RPAP3: variants seen among roughly 807,000 people sequenced by gnomAD.
RPAP3 encodes the protein RNA polymerase II associated protein 3.
A neutral mutation model predicts 88.8 loss-of-function variants in RPAP3; 58 were observed. The ratio of observed to expected loss-of-function variants is 0.65; its 90% CI spans 0.53 to 0.81. RPAP3 has a LOEUF of 0.81. Ranked by LOEUF, RPAP3 falls within the 40% of genes least tolerant of loss-of-function variation. RPAP3 has a pLI of 0.00. For synonymous variants in RPAP3, 255 were observed against 259.9 expected (o/e 0.98, Z 0.18); for missense variants, 751 against 764.3 (o/e 0.98, Z 0.20).
intron 12 of RPAP3, among the ~76,000 whole-genome samples, 190 bp from the exon 13 acceptor site, chr12:47,670,535 T>A (rs1049354465): frequency 6.6e-6 from 1 of 152,018 alleles, no homozygotes; most frequent in Non-Finnish European, 1.5e-5. Flanking sequence ...TTATCCCAGG[T>A]AGGTCGAAAC....
chr12:47,673,564 C>T (rs996910402), intron 12 of RPAP3, among the ~76,000 whole-genome samples: 1 of 151,728 alleles, frequency 6.6e-6, no homozygotes, highest in Non-Finnish European at 1.5e-5. Context: ...ACAAACTTTC[C>T]TTTTCTGCCT....
chr12:47,668,813 C>T, intron 14 of RPAP3, 103 bp downstream of exon 14: 1 of 810,186 alleles, frequency 1.2e-6, no homozygotes, highest in Non-Finnish European at 2.0e-6. Context: ...ATAATTTCTA[C>T]AATAATATCC....
chr12:47,685,259 G>T (rs1224762623), intron 9 of RPAP3, among the ~76,000 whole-genome samples: 3 of 151,930 alleles, frequency 2.0e-5, no homozygotes, highest in African/African-American at 7.2e-5. Context: ...CATGCCTGTA[G>T]ACCCAGCAAC....
rs925882161 is a variant in RPAP3, at chr12:47,686,837, T to C, written c.935A>G (p.Asp312Gly). The C allele has an allele frequency of 5.0e-6, 8 of 1,604,892 alleles. No individual in the cohort carries two copies. In the African/African-American group the frequency reaches 8.0e-5, roughly 16 times the overall value. ...IECYTRGIAA[D>G]GANALLPANR... Reference sequence around the variant, plus strand: ...AGCTGGAAGAAGGGCATTAGCACCATCTGCTGCTATCCCTCGAGTATAGCA... The same window carrying C: ...AGCTGGAAGAAGGGCATTAGCACCACCTGCTGCTATCCCTCGAGTATAGCA... Residue 312 changes from aspartate (D) to glycine (G), a missense_variant, in exon 9 of 17, where the codon GAT (aspartate) becomes GGT (glycine). Physicochemically the swap from Asp to Gly is moderately conservative, Grantham distance 94. Transcript: ENST00000005386.
chr12:47,697,732 G>A lies in RPAP3; in HGVS notation c.295-13C>T. On this transcript the variant is annotated splice_polypyrimidine_tract_variant and intron_variant, in intron 3 of 16. Transcript: ENST00000005386. The stretch of plus-strand genomic sequence containing the variant: ...CAAGGATACGGTCCTAAAATCAAAA[G>A]ACGGAAAACAGGGGTCATAATTATA... 1 of 1,576,176 alleles carries A rather than the reference G, an allele frequency of 6.3e-7. No individual in the cohort carries two copies. The highest frequency in any genetic ancestry group is 1.2e-5 in the South Asian group (1 of 83,262).
chr12:47,675,339 T>C (rs1218314021), intron 12 of RPAP3, among the ~76,000 whole-genome samples: 4 of 152,030 alleles, frequency 2.6e-5, no homozygotes, highest in Non-Finnish European at 4.4e-5. Context: ...ACTGCATCAA[T>C]TAACAGTCAA....
chr12:47,666,679 T>C (rs1411671513), intron 16 of RPAP3, among the ~76,000 whole-genome samples: 2 of 152,216 alleles, frequency 1.3e-5, no homozygotes, highest in Non-Finnish European at 2.9e-5. Context: ...TCTGGCTTCC[T>C]AGCTATGTGA....
At chr12:47,701,388 C>T in intron 3 of RPAP3, 76 bp downstream of exon 3, 1 of 1,083,810 alleles carries the variant, frequency 9.2e-7, no homozygotes, top group Non-Finnish European at 1.3e-6. Context: ...TTATTTTTCA[C>T]TTAACCCATG....
At chr12:47,703,119 T>C (rs959215678) in intron 1 of RPAP3, among the ~76,000 whole-genome samples, 5 of 152,246 alleles carry the variant, frequency 3.3e-5, no homozygotes, top group Non-Finnish European at 7.3e-5. Context: ...AATTATCAGG[T>C]AGCCTGTGGT....
chr12:47,680,026 C>G (rs897509553), intron 10 of RPAP3, among the ~76,000 whole-genome samples: 4 of 152,246 alleles, frequency 2.6e-5, no homozygotes, highest in African/African-American at 9.6e-5. Context: ...CCCTAGAGGT[C>G]ATCTAACTTA....
At chr12:47,669,688 C>T (rs1938956356) in intron 13 of RPAP3, among the ~76,000 whole-genome samples, 1 of 152,102 alleles carries the variant, frequency 6.6e-6, no homozygotes, top group South Asian at 2.1e-4. Flanking sequence ...AACACATAAA[C>T]TATTTTTTAA....
rs1041019357 is a variant in RPAP3 at position 47,661,813 on chromosome 12, G to T, written c.*1692C>A. ...CATGCAGAGAACATTAACCCTCTGAGCCTCCTTTTCTTATGTTAAGAATGA... is the reference window on the plus strand; with the variant it reads ...CATGCAGAGAACATTAACCCTCTGATCCTCCTTTTCTTATGTTAAGAATGA... On this transcript the variant is annotated 3_prime_UTR_variant, in exon 17 of 17. Transcript: ENST00000005386. 6.6e-6 allele frequency: 1 copy of T among 152,186 alleles called. No individual in the cohort carries two copies. The highest frequency in any genetic ancestry group is 1.5e-5 in the Non-Finnish European group (1 of 68,038). 9.4% of individuals were successfully genotyped at this position (152,186 alleles called of 1,614,324 possible).
chr12:47,697,762 T>A (rs774522736), intron 3 of RPAP3, 43 bp from the exon 4 acceptor site: 5 of 1,538,024 alleles, frequency 3.3e-6, no homozygotes, highest in East Asian at 2.3e-5. Context: ...ATTATATGAT[T>A]AGGAAAAAAA....
chr12:47,673,634 G>A (rs141555773), intron 12 of RPAP3, among the ~76,000 whole-genome samples: 2 of 151,966 alleles, frequency 1.3e-5, no homozygotes, highest in Admixed American at 6.6e-5. Context: ...TATTTCTAAT[G>A]AAGAAAACTG....
At chr12:47,703,965 G>C (rs950614979) in intron 1 of RPAP3, among the ~76,000 whole-genome samples, 2 of 152,224 alleles carry the variant, frequency 1.3e-5, no homozygotes, top group African/African-American at 4.8e-5. Flanking sequence ...AAAAGGAAAA[G>C]AGGCATCAAA....
chr12:47,697,816 A>T, intron 3 of RPAP3, 97 bp from the exon 4 acceptor site: 1 of 1,124,638 alleles, frequency 8.9e-7, no homozygotes, highest in Non-Finnish European at 1.3e-6. Flanking sequence ...ATGAATGTAA[A>T]TTGTTACAAT....
intron 12 of RPAP3, 55 bp from the exon 13 acceptor site, chr12:47,670,400 A>G: frequency 9.7e-7 from 1 of 1,031,034 alleles, no homozygotes; most frequent in South Asian, 1.5e-5. Flanking sequence ...TTCCTATTTT[A>G]GGGTCACAAG....
chr12:47,703,609 G>A (rs1017719706), intron 1 of RPAP3, among the ~76,000 whole-genome samples: 2 of 152,180 alleles, frequency 1.3e-5, no homozygotes, highest in African/African-American at 4.8e-5. Context: ...GTGGTGTCAC[G>A]GAAGGAGTCC....
At chr12:47,697,553 TCTC>T (rs1939557005) in intron 4 of RPAP3, 41 bp downstream of exon 4, 3 of 1,539,766 alleles carry the variant, frequency 1.9e-6, no homozygotes, top group Non-Finnish European at 1.8e-6. Context: ...ATTTTCAACA[TCTC>T]CTGCTTACAT....
Sources: gnomAD v4.1 joint callset for allele counts (sites outside exome capture counted in the v4.1 genomes callset) on GRCh38, gnomAD v4.1.1 for gene constraint, MANE v1.5 for transcripts, NCBI Gene and HGNC (gene_info 2026-07-23, HGNC 2026-07-21) for gene names.